CSMD3: variants seen among roughly 807,000 people sequenced by gnomAD.
CSMD3 encodes the protein CUB and sushi domain-containing protein 3.
In CSMD3, 177 loss-of-function variants were observed where a neutral mutation model predicts 435.2. The ratio of observed to expected loss-of-function variants is 0.41; its 90% CI spans 0.36 to 0.46. The LOEUF (loss-of-function observed/expected upper bound fraction) is 0.46, where lower values mean the gene tolerates loss of function less well. CSMD3 is among the 20% of genes least tolerant of loss of function. The probability of loss-of-function intolerance (pLI) is 0.34; values close to 1 mark genes in which losing one functional copy is unlikely to be tolerated. For missense variants in CSMD3, 4,265 were observed against 4,504.6 expected, an observed-to-expected ratio of 0.95 and a Z score of 1.52; for synonymous variants, 1,656 against 1,520.5, an observed-to-expected ratio of 1.09 and a Z score of -2.07.
chr8:113,004,575 A>T (rs2085985335), intron 6 of CSMD3, among the ~76,000 whole-genome samples: 1 of 152,018 alleles, frequency 6.6e-6, no homozygotes, highest in South Asian at 2.1e-4. Flanking sequence ...CAGTGGTTGT[A>T]GGAAGATGAT....
chr8:113,256,544 G>C (rs2093382337), intron 3 of CSMD3, among the ~76,000 whole-genome samples: 1 of 152,186 alleles, frequency 6.6e-6, no homozygotes, highest in Non-Finnish European at 1.5e-5. Flanking sequence ...TGGAAATATT[G>C]CATAACTTTA....
chr8:113,377,100 C>T, intron 1 of CSMD3: 2 of 1,281,148 alleles, frequency 1.6e-6, no homozygotes, highest in Non-Finnish European at 2.0e-6. Context: ...TGGACTCCCC[C>T]AAGGGCTGCG....
chr8:112,832,696 C>CA (rs1239565019), intron 11 of CSMD3, among the ~76,000 whole-genome samples: 1 of 152,062 alleles, frequency 6.6e-6, no homozygotes, highest in Non-Finnish European at 1.5e-5. Context: ...CATCCCAGAC[C>CA]AAAGCTTTGA....
chr8:113,244,020 T>C (rs925316420), intron 3 of CSMD3, among the ~76,000 whole-genome samples: 32 of 152,284 alleles, frequency 2.1e-4, no homozygotes, highest in African/African-American at 7.7e-4. Flanking sequence ...TCTCTAGTCT[T>C]GTATAGTATA....
intron 22 of CSMD3, among the ~76,000 whole-genome samples, chr8:112,634,435 T>C (rs576372090): frequency 6.6e-6 from 1 of 152,040 alleles, no homozygotes; most frequent in South Asian, 2.1e-4. Flanking sequence ...AATGTATGCC[T>C]ACCGTGGAAT....
At chr8:112,644,348 T>C (rs999834739) in intron 20 of CSMD3, among the ~76,000 whole-genome samples, 9 of 151,940 alleles carry the variant, frequency 5.9e-5, no homozygotes, top group Admixed American at 4.6e-4. Flanking sequence ...CAGTCCCTCT[T>C]ATTAAGCAGT....
chr8:113,270,808 C>A (rs183117036), intron 3 of CSMD3, among the ~76,000 whole-genome samples: 1 of 150,308 alleles, frequency 6.7e-6, no homozygotes, highest in African/African-American at 2.5e-5. Context: ...GGGGACATCA[C>A]GCACCGGGGC....
At chr8:112,357,009 C>T (rs746000660) in intron 38 of CSMD3, among the ~76,000 whole-genome samples, 7 of 152,072 alleles carry the variant, frequency 4.6e-5, no homozygotes, top group Non-Finnish European at 1.0e-4. Context: ...GTGGCAGCCA[C>T]TTTGGAACTG....
intron 31 of CSMD3, among the ~76,000 whole-genome samples, chr8:112,490,469 T>C (rs1304954991): frequency 1.3e-5 from 2 of 152,198 alleles, no homozygotes; most frequent in African/African-American, 4.8e-5. Flanking sequence ...TATGACCTAT[T>C]GGAAAGGAGT....
chr8:112,540,245 C>A (rs758056213), intron 27 of CSMD3, among the ~76,000 whole-genome samples: 2 of 151,768 alleles, frequency 1.3e-5, no homozygotes, highest in South Asian at 2.1e-4. Flanking sequence ...TATTATCTCA[C>A]GCCAGTTAAA....
chr8:112,637,371 TTGAAA>T (rs1416960058), intron 21 of CSMD3, among the ~76,000 whole-genome samples: 24 of 150,250 alleles, frequency 1.6e-4, no homozygotes, highest in Admixed American at 9.4e-4. Context: ...AAAATAACAT[TTGAAA>T]TGAAATCATT....
At chr8:112,355,588 C>T (rs1826517261) in intron 38 of CSMD3, among the ~76,000 whole-genome samples, 1 of 152,108 alleles carries the variant, frequency 6.6e-6, no homozygotes, top group African/African-American at 2.4e-5. Context: ...AATCCCAGAA[C>T]TTTGGAAGTC....
chr8:113,098,483 C>T (rs549676445), intron 5 of CSMD3: 3 of 415,352 alleles, frequency 7.2e-6, no homozygotes, highest in African/African-American at 2.0e-5. Flanking sequence ...TTGAGAGAAA[C>T]CATCAAGTTT....
intron 22 of CSMD3, among the ~76,000 whole-genome samples, chr8:112,587,699 G>A (rs934074706): frequency 6.6e-6 from 1 of 151,380 alleles, no homozygotes; most frequent in South Asian, 2.1e-4. Flanking sequence ...GTATTCCGCT[G>A]ACACAAGAAT....
chr8:112,886,656 A>G (rs565792723), intron 10 of CSMD3, among the ~76,000 whole-genome samples: 1 of 151,562 alleles, frequency 6.6e-6, no homozygotes, highest in Non-Finnish European at 1.5e-5. Flanking sequence ...AACAAAACAT[A>G]GCACCTGTGA....
chr8:112,659,791 T>G (rs2075337998), intron 17 of CSMD3, among the ~76,000 whole-genome samples: 1 of 152,204 alleles, frequency 6.6e-6, no homozygotes, highest in East Asian at 1.9e-4. Context: ...GTTATTGCTA[T>G]TTTGTTTTGT....
At chr8:112,390,567 A>G in intron 36 of CSMD3, 97 bp downstream of exon 36, 1 of 1,045,302 alleles carries the variant, frequency 9.6e-7, no homozygotes, top group East Asian at 2.4e-5. Flanking sequence ...AGTCAAAACC[A>G]CTTGCTAAAC....
At chr8:113,224,730 A>C (rs1236864425) in intron 3 of CSMD3, among the ~76,000 whole-genome samples, 1 of 151,228 alleles carries the variant, frequency 6.6e-6, no homozygotes, top group African/African-American at 2.4e-5. Flanking sequence ...TGTGTCTTCC[A>C]ACATTCACAG....
chr8:112,801,598 C>G (rs530038551), intron 12 of CSMD3, among the ~76,000 whole-genome samples: 1 of 152,064 alleles, frequency 6.6e-6, no homozygotes, highest in Non-Finnish European at 1.5e-5. Context: ...CAAACTCACA[C>G]ATATATATTG....
Sources: allele counts gnomAD v4.1 joint callset (sites outside exome capture counted in the v4.1 genomes callset), GRCh38; gene constraint gnomAD v4.1.1; transcripts MANE v1.5; gene names NCBI Gene and HGNC (gene_info 2026-07-23, HGNC 2026-07-21).